The following MAML2 variants were observed in gnomAD, a reference collection of about 807,000 sequenced individuals.
MAML2 encodes mastermind-like protein 2.
A neutral mutation model predicts 96.1 loss-of-function variants in MAML2; 22 were observed. That is an observed-to-expected ratio of 0.23 (90% CI 0.16 to 0.33). The LOEUF (loss-of-function observed/expected upper bound fraction) is 0.33, where lower values mean the gene tolerates loss of function less well. Among genes scored for constraint, MAML2 ranks in the 10% least tolerant of loss-of-function variants. The pLI is 1.00. For missense variants in MAML2, 1,367 were observed against 1,392.4 expected (o/e 0.98, Z 0.29); for synonymous variants, 561 against 521.3 (o/e 1.08, Z -1.04).
At chr11:96,119,175 C>T (rs969849365) in intron 1 of MAML2, among the ~76,000 whole-genome samples, 1 of 152,148 alleles carries the variant, frequency 6.6e-6, no homozygotes, top group Non-Finnish European at 1.5e-5. Context: ...GACATTCATG[C>T]CTTAATCCCT....
intron 1 of MAML2, among the ~76,000 whole-genome samples, chr11:96,120,586 C>A (rs1184831088): frequency 1.3e-5 from 2 of 152,176 alleles, no homozygotes; most frequent in African/African-American, 4.8e-5. Flanking sequence ...CATCTAATTG[C>A]TTTTGGATAA....
At chr11:96,263,106 A>G (rs1017513933) in intron 1 of MAML2, among the ~76,000 whole-genome samples, 1 of 152,266 alleles carries the variant, frequency 6.6e-6, no homozygotes, top group African/African-American at 2.4e-5. Context: ...TATATAAACA[A>G]TGCATTTCTC....
At chr11:95,994,382 C>T (rs889587221) in intron 2 of MAML2, among the ~76,000 whole-genome samples, 5 of 152,122 alleles carry the variant, frequency 3.3e-5, no homozygotes, top group Admixed American at 1.3e-4. Context: ...GAGACTTCAC[C>T]GCCTGTGTTC....
chr11:96,021,846 G>A (rs941254762), intron 2 of MAML2, among the ~76,000 whole-genome samples: 1 of 152,224 alleles, frequency 6.6e-6, no homozygotes, highest in African/African-American at 2.4e-5. Context: ...CAAGAACTGA[G>A]GGATGCCATG....
intron 2 of MAML2, among the ~76,000 whole-genome samples, chr11:96,078,529 G>A (rs1214344897): frequency 6.6e-6 from 1 of 152,194 alleles, no homozygotes; most frequent in Non-Finnish European, 1.5e-5. Context: ...CAGAGAGCAG[G>A]TATCTACTGC....
chr11:96,160,819 G>A (rs1861091762), intron 1 of MAML2, among the ~76,000 whole-genome samples: 1 of 152,092 alleles, frequency 6.6e-6, no homozygotes. Context: ...AATCTATGTA[G>A]CCCTGTGCTT....
chr11:96,222,285 C>T lies in MAML2; in HGVS notation c.513+119098G>A, dbSNP rs144085808. On this transcript the variant is annotated intron_variant, in intron 1 of 4. Transcript: ENST00000524717. ...CGCTGAATATGTTTATTAAAGGACA[C>T]GTGGTCCCATGGAATGTGGCGCTCA... Among the ~76,000 whole-genome samples, 42 of 152,270 alleles carry T rather than the reference C, an allele frequency of 2.8e-4. No individual in the cohort carries two copies. In the East Asian group the frequency reaches 8.1e-3, roughly 29 times the overall value.
At chr11:96,323,740 C>G (rs539312479) in intron 1 of MAML2, among the ~76,000 whole-genome samples, 2 of 152,196 alleles carry the variant, frequency 1.3e-5, no homozygotes, top group African/African-American at 2.4e-5. Flanking sequence ...TCTCAGAAAC[C>G]GGTCAGCCAT....
chr11:96,302,334 C>T (rs1226734319), intron 1 of MAML2, among the ~76,000 whole-genome samples: 2 of 152,128 alleles, frequency 1.3e-5, no homozygotes, highest in Admixed American at 6.6e-5. Flanking sequence ...ACCAAGAAAT[C>T]CTGTTATGTA....
chr11:96,074,620 T>A (rs1282852799), intron 2 of MAML2, among the ~76,000 whole-genome samples: 4 of 152,186 alleles, frequency 2.6e-5, no homozygotes, highest in Non-Finnish European at 5.9e-5. Context: ...GCAACTGCAT[T>A]TGGATTCTAT....
intron 2 of MAML2, among the ~76,000 whole-genome samples, chr11:96,024,344 T>A (rs1004592474): frequency 3.9e-5 from 6 of 152,250 alleles, no homozygotes; most frequent in Non-Finnish European, 8.8e-5. Flanking sequence ...TTTCCCTCTA[T>A]ACAAACTAGA....
At chr11:96,138,919 G>A (rs514034) in intron 1 of MAML2, among the ~76,000 whole-genome samples, 2 of 151,878 alleles carry the variant, frequency 1.3e-5, no homozygotes, top group African/African-American at 2.4e-5. Context: ...TAAAATGCTG[G>A]TAAGAAAGAG....
chr11:96,125,028 C>T (rs538473843), intron 1 of MAML2, among the ~76,000 whole-genome samples: 1 of 152,230 alleles, frequency 6.6e-6, no homozygotes, highest in South Asian at 2.1e-4. Flanking sequence ...ACATGAGAGT[C>T]ATTTTATTAT....
chr11:96,245,049 A>C (rs1862491778), intron 1 of MAML2, among the ~76,000 whole-genome samples: 2 of 152,190 alleles, frequency 1.3e-5, no homozygotes, highest in Non-Finnish European at 2.9e-5. Context: ...AAAACCAAAA[A>C]AGCCAATGCA....
chr11:96,081,587 G>A (rs1859530282), intron 2 of MAML2, among the ~76,000 whole-genome samples: 1 of 152,076 alleles, frequency 6.6e-6, no homozygotes, highest in African/African-American at 2.4e-5. Flanking sequence ...GTTAAATGAG[G>A]GCTCAGTTTT....
At chr11:96,083,603 G>A (rs1420621717) in intron 2 of MAML2, among the ~76,000 whole-genome samples, 2 of 152,236 alleles carry the variant, frequency 1.3e-5, no homozygotes, top group African/African-American at 4.8e-5. Context: ...GAAGGTGGAA[G>A]TGCTAGCTCC....
chr11:96,210,685 T>C (rs903843729), intron 1 of MAML2, among the ~76,000 whole-genome samples: 1 of 152,172 alleles, frequency 6.6e-6, no homozygotes, highest in Admixed American at 6.5e-5. Flanking sequence ...ATTATGCATA[T>C]GATGTACTTA....
At chr11:96,020,783 G>A (rs1858424215) in intron 2 of MAML2, among the ~76,000 whole-genome samples, 1 of 152,172 alleles carries the variant, frequency 6.6e-6, no homozygotes, top group South Asian at 2.1e-4. Flanking sequence ...TTAAGTCTTA[G>A]TGGCAGAGTG....
At chr11:96,321,036 G>C (rs761730872) in intron 1 of MAML2, among the ~76,000 whole-genome samples, 1 of 151,510 alleles carries the variant, frequency 6.6e-6, no homozygotes, top group Non-Finnish European at 1.5e-5. Flanking sequence ...CCTTCAAATA[G>C]GGTTTGTGTA....
Sources: allele counts gnomAD v4.1 joint callset (sites outside exome capture counted in the v4.1 genomes callset), GRCh38; gene constraint gnomAD v4.1.1; transcripts MANE v1.5; gene names NCBI Gene and HGNC (gene_info 2026-07-23, HGNC 2026-07-21).